The following CDH17 variants were observed in gnomAD, a reference collection of about 807,000 sequenced individuals.
CDH17 encodes cadherin 17, also known as cadherin-17.
Under a neutral mutation model 86.3 loss-of-function variants are expected in CDH17, and 67 were observed. The observed-to-expected ratio is 0.78, with a 90% CI of 0.64 to 0.95. The LOEUF (loss-of-function observed/expected upper bound fraction) is 0.95. Among genes scored for constraint, CDH17 ranks in the 40% least tolerant of loss-of-function variants. The pLI is 0.00. For missense variants in CDH17, 993 were observed against 1,017.6 expected (o/e 0.98, Z 0.33); for synonymous variants, 367 against 366.4 (o/e 1.00, Z -0.02).
chr8:94,146,076 GC>G lies in CDH17; in HGVS notation c.2018del (p.Gly673AlafsTer71). The G allele has an allele frequency of 6.2e-7, 1 of 1,613,720 alleles. No individual in the cohort carries two copies. The highest frequency in any genetic ancestry group is 8.5e-7 in the Non-Finnish European group (1 of 1,179,844). ...CACTGAGGGGATGGCAGAAGAACAA[GC>G]CCGTGTAGTCCTTGGCTAGCCTGGG... ...NPPRLAKDYT[G>X]LFFCHPLSAP... On this transcript the variant is annotated frameshift_variant, in exon 15 of 18. Coordinates refer to ENST00000027335, the MANE Select transcript of CDH17 (RefSeq NM_004063.4). LOFTEE classifies it high-confidence loss of function.
chr8:94,162,615 A>G (rs1813077202), intron 10 of CDH17, among the ~76,000 whole-genome samples: 1 of 152,158 alleles, frequency 6.6e-6, no homozygotes, highest in Non-Finnish European at 1.5e-5. Context: ...TCTGACTACT[A>G]TGATGGTGAG....
chr8:94,198,455 G>T (rs114630991), intron 1 of CDH17, among the ~76,000 whole-genome samples: 6 of 152,092 alleles, frequency 3.9e-5, no homozygotes, highest in African/African-American at 1.2e-4. Flanking sequence ...AATTATAAAT[G>T]AATAAATTAA....
At chr8:94,167,026 T>C (rs1172151568) in intron 9 of CDH17, among the ~76,000 whole-genome samples, 2 of 152,168 alleles carry the variant, frequency 1.3e-5, no homozygotes, top group Non-Finnish European at 2.9e-5. Flanking sequence ...CTAATACACA[T>C]GGCAAATGGT....
At chr8:94,203,903 A>G (rs749651615) in intron 1 of CDH17, among the ~76,000 whole-genome samples, 28 of 151,964 alleles carry the variant, frequency 1.8e-4, no homozygotes, top group Non-Finnish European at 3.2e-4. Flanking sequence ...CTGTCACTAA[A>G]CTCTGTAATA....
At chr8:94,172,121 A>C (rs1173872209) in intron 7 of CDH17, among the ~76,000 whole-genome samples, 2 of 150,398 alleles carry the variant, frequency 1.3e-5, no homozygotes, top group Non-Finnish European at 3.0e-5. Flanking sequence ...TTGGGTAGGC[A>C]CTCTAGAATT....
At chr8:94,187,799 G>C (rs1180120141) in intron 3 of CDH17, among the ~76,000 whole-genome samples, 2 of 152,018 alleles carry the variant, frequency 1.3e-5, no homozygotes, top group African/African-American at 4.8e-5. Flanking sequence ...CCTCTTCTAA[G>C]CTTTCTTCCC....
intron 15 of CDH17, among the ~76,000 whole-genome samples, chr8:94,136,503 G>A (rs1221746851): frequency 6.6e-6 from 1 of 152,114 alleles, no homozygotes; most frequent in Admixed American, 6.5e-5. Context: ...GTCATTTAAG[G>A]TCTTCTCTAC....
chr8:94,144,595 G>T (rs1812703414), intron 15 of CDH17, among the ~76,000 whole-genome samples: 1 of 151,964 alleles, frequency 6.6e-6, no homozygotes, highest in Admixed American at 6.6e-5. Flanking sequence ...GAAAAAAACA[G>T]AAAACTTTAG....
chr8:94,215,918 G>A (rs1333235189), intron 1 of CDH17, among the ~76,000 whole-genome samples: 1 of 88,046 alleles, frequency 1.1e-5, no homozygotes, highest in African/African-American at 4.2e-5. Context: ...TTTGTTTTTT[G>A]TGTTTTTAAA....
chr8:94,142,326 T>TA (rs1162574096), intron 15 of CDH17, among the ~76,000 whole-genome samples: 3 of 152,166 alleles, frequency 2.0e-5, no homozygotes, highest in African/African-American at 2.4e-5. Context: ...GCATTATACC[T>TA]AAAAATAAAA....
At chr8:94,133,226 T>C (rs1174537425) in intron 15 of CDH17, among the ~76,000 whole-genome samples, 1 of 152,224 alleles carries the variant, frequency 6.6e-6, no homozygotes, top group Non-Finnish European at 1.5e-5. Flanking sequence ...TTGAAGGGGA[T>C]GGCATTGAAT....
At chr8:94,207,092 G>T (rs1298877703) in intron 1 of CDH17, among the ~76,000 whole-genome samples, 1 of 152,162 alleles carries the variant, frequency 6.6e-6, no homozygotes. Flanking sequence ...TGGGAACCAT[G>T]AGAGGGGCTT....
chr8:94,210,574 G>A (rs1024724140), upstream of CDH17, among the ~76,000 whole-genome samples: 2 of 152,138 alleles, frequency 1.3e-5, no homozygotes, highest in African/African-American at 4.8e-5. Context: ...GCACGTTTCA[G>A]GTAGCCACCA....
intron 1 of CDH17, among the ~76,000 whole-genome samples, chr8:94,204,219 G>A (rs1211563329): frequency 1.3e-5 from 2 of 152,048 alleles, no homozygotes; most frequent in Non-Finnish European, 2.9e-5. Flanking sequence ...ACGTGCCATG[G>A]TGGTTTGCTG....
intron 3 of CDH17, among the ~76,000 whole-genome samples, chr8:94,187,811 CCCTT>C (rs1456112242): frequency 6.6e-6 from 1 of 152,106 alleles, no homozygotes; most frequent in Non-Finnish European, 1.5e-5. Flanking sequence ...TTTCTTCCCT[CCCTT>C]CCTCACCAAG....
chr8:94,185,699 T>TA (rs138513390), intron 3 of CDH17, among the ~76,000 whole-genome samples: 2,608 of 151,810 alleles, frequency 0.017, 32 homozygotes, highest in Middle Eastern at 0.082. Flanking sequence ...AGCTTGTAAT[T>TA]AAAAAAAAAC....
At chr8:94,151,062 A>G (rs1260115187) in intron 13 of CDH17, among the ~76,000 whole-genome samples, 3 of 152,198 alleles carry the variant, frequency 2.0e-5, no homozygotes. Context: ...AACTTAAGGA[A>G]TTGTCTGCCA....
intron 1 of CDH17, among the ~76,000 whole-genome samples, chr8:94,196,732 G>A (rs1813792630): frequency 6.6e-6 from 1 of 152,210 alleles, no homozygotes; most frequent in South Asian, 2.1e-4. Context: ...TCCAGCTGCA[G>A]ACATAGATAA....
intron 1 of CDH17, among the ~76,000 whole-genome samples, chr8:94,199,079 ATATATTT>A (rs1349692998): frequency 0.022 from 194 of 8,732 alleles, no homozygotes; most frequent in Middle Eastern, 0.083. Flanking sequence ...ATATATATAT[ATATATTT>A]TTTTTTTTTT....
Sources: allele counts gnomAD v4.1 joint callset (sites outside exome capture counted in the v4.1 genomes callset), GRCh38; gene constraint gnomAD v4.1.1; transcripts MANE v1.5; gene names NCBI Gene and HGNC (gene_info 2026-07-23, HGNC 2026-07-21).